The following COL4A1 variants were observed in gnomAD, a reference collection of about 807,000 sequenced individuals.
COL4A1 encodes collagen type IV alpha 1 chain, also known as collagen alpha-1(IV) chain.
In COL4A1, 40 loss-of-function variants were observed where a neutral mutation model predicts 216.6. The observed-to-expected ratio is 0.18, with a 90% CI of 0.14 to 0.24. The LOEUF is 0.24. Ranked by LOEUF, COL4A1 falls within the 10% of genes least tolerant of loss-of-function variation. COL4A1 has a pLI of 1.00. For synonymous variants in COL4A1, 839 were observed against 810.7 expected, an observed-to-expected ratio of 1.03 and a Z score of -0.59; for missense variants, 1,628 against 2,196.8, an observed-to-expected ratio of 0.74 and a Z score of 5.18.
At chr13:110,299,469 GAGT>G (rs1355224378) in intron 1 of COL4A1, among the ~76,000 whole-genome samples, 2 of 152,232 alleles carry the variant, frequency 1.3e-5, no homozygotes, top group East Asian at 3.8e-4. Flanking sequence ...TAATTTAACA[GAGT>G]AGTGCCTGGC....
chr13:110,269,431 T>C (rs986990558), intron 1 of COL4A1, among the ~76,000 whole-genome samples: 2 of 152,202 alleles, frequency 1.3e-5, no homozygotes, highest in African/African-American at 4.8e-5. Context: ...CACAGGCATG[T>C]AGAAAAGAAA....
chr13:110,306,378 C>T (rs755180762), intron 1 of COL4A1, among the ~76,000 whole-genome samples: 2 of 152,196 alleles, frequency 1.3e-5, no homozygotes, highest in East Asian at 1.9e-4. Flanking sequence ...TGCCTTGGAG[C>T]GCGCCTTAGG....
At chr13:110,258,106 A>G (rs953900385) in intron 1 of COL4A1, among the ~76,000 whole-genome samples, 3 of 152,262 alleles carry the variant, frequency 2.0e-5, no homozygotes, top group Admixed American at 2.0e-4. Context: ...AAATAGAAAT[A>G]TGGTTCCTAA....
chr13:110,212,875 T>C (rs1443823748), intron 4 of COL4A1, among the ~76,000 whole-genome samples: 1 of 152,100 alleles, frequency 6.6e-6, no homozygotes, highest in Non-Finnish European at 1.5e-5. Flanking sequence ...CCTAAGTACC[T>C]ACCAACCAAC....
At chr13:110,229,457 A>C (rs1009292224) in intron 2 of COL4A1, among the ~76,000 whole-genome samples, 7 of 152,178 alleles carry the variant, frequency 4.6e-5, no homozygotes, top group Admixed American at 4.6e-4. Context: ...ACAGTTACTT[A>C]AACACAGCTG....
intron 1 of COL4A1, among the ~76,000 whole-genome samples, chr13:110,282,347 G>A (rs1883664758): frequency 6.6e-6 from 1 of 152,188 alleles, no homozygotes; most frequent in Non-Finnish European, 1.5e-5. Flanking sequence ...CACATCAAGG[G>A]AAGCTGGTGG....
chr13:110,253,255 AAT>A (rs1882275624), intron 1 of COL4A1, among the ~76,000 whole-genome samples: 1 of 139,260 alleles, frequency 7.2e-6, no homozygotes, highest in African/African-American at 2.6e-5. Context: ...ATATACATAT[AAT>A]TAGGTATATA....
chr13:110,304,274 T>C (rs1451357342), intron 1 of COL4A1, among the ~76,000 whole-genome samples: 1 of 152,168 alleles, frequency 6.6e-6, no homozygotes, highest in African/African-American at 2.4e-5. Context: ...ACATTTCCAG[T>C]AGAACATGGT....
intron 23 of COL4A1, 44 bp downstream of exon 23, chr13:110,192,786 C>G (rs1295721142): frequency 1.3e-5 from 21 of 1,571,414 alleles, no homozygotes; most frequent in Non-Finnish European, 1.8e-5. Context: ...TGCCAACACA[C>G]CAAAGCAAAC....
chr13:110,161,125 A>G, intron 49 of COL4A1, 67 bp downstream of exon 49: 1 of 1,512,818 alleles, frequency 6.6e-7, no homozygotes, highest in Non-Finnish European at 9.2e-7. Flanking sequence ...TAGAAAACAT[A>G]TGCTTGTCCA....
intron 1 of COL4A1, among the ~76,000 whole-genome samples, chr13:110,248,523 G>A (rs1022213058): frequency 1.3e-5 from 2 of 151,878 alleles, no homozygotes; most frequent in Non-Finnish European, 2.9e-5. Context: ...CTGGGGTCTC[G>A]CTCTGTGGCG....
At chr13:110,215,387 C>A (rs1366531066) in intron 2 of COL4A1, among the ~76,000 whole-genome samples, 1 of 152,110 alleles carries the variant, frequency 6.6e-6, no homozygotes, top group Non-Finnish European at 1.5e-5. Context: ...TGGCAAAACT[C>A]TTTCTCTACT....
rs1290738236 is a variant in COL4A1, at chr13:110,178,993, T to A, written c.2388A>T (p.Pro796=). 1 of 1,612,140 alleles carries A rather than the reference T, an allele frequency of 6.2e-7. No homozygotes were observed. Among genetic ancestry groups the A allele is most frequent in the South Asian group, 1.1e-5 (1 of 90,560 alleles). The change falls in exon 31 of 52, where the codon CCA becomes CCT. Residue 796 remains proline, a synonymous_variant. Transcript: ENST00000375820. ...CAGGGGGGCCTATTCCTGGAACTCC[T>A]GGAGACCCCACGGAGCCTGGCAATC... ...PPGLPGSVGS[P]GVPGIGPPGA...
intron 1 of COL4A1, among the ~76,000 whole-genome samples, chr13:110,301,550 G>T (rs901119547): frequency 2.6e-5 from 4 of 152,202 alleles, no homozygotes; most frequent in Admixed American, 6.5e-5. Flanking sequence ...GCTACTGAAT[G>T]GCAGAGCAAG....
Position 110,170,682 on chromosome 13 carries a change from G to A in COL4A1, c.3607C>T (p.Pro1203Ser), listed in dbSNP as rs758060651. 1 of 1,614,200 alleles carries A rather than the reference G, an allele frequency of 6.2e-7. No homozygotes were observed. Among genetic ancestry groups the A allele is most frequent in the Non-Finnish European group, 8.5e-7 (1 of 1,180,040 alleles). The change falls in exon 42 of 52, where the codon CCT becomes TCT. Residue 1203 changes from proline to serine, a missense_variant. By Grantham distance (74) the Pro-to-Ser change is moderately conservative. Around this residue, in one of 8 missense-constraint regions of COL4A1, gnomAD observed 345 missense variants for 476.9 expected, o/e 0.72. Transcript: ENST00000375820. ...FPGLAGSPGI[P>S]GSKGEQGFMG... Reference sequence around the variant, plus strand: ...AATCCTTGCTCTCCTTTGGATCCAGGAATTCCTGGGCTCCCGGCTAATCCT... The same window carrying A: ...AATCCTTGCTCTCCTTTGGATCCAGAAATTCCTGGGCTCCCGGCTAATCCT...
intron 1 of COL4A1, among the ~76,000 whole-genome samples, chr13:110,296,912 T>C (rs1036703026): frequency 1.3e-5 from 2 of 152,178 alleles, no homozygotes; most frequent in African/African-American, 4.8e-5. Context: ...TACAGATGAA[T>C]ACCCAGAACA....
chr13:110,230,458 A>G (rs974542205), intron 2 of COL4A1, among the ~76,000 whole-genome samples: 11 of 152,040 alleles, frequency 7.2e-5, no homozygotes, highest in African/African-American at 2.7e-4. Context: ...GAACAGAGAG[A>G]AAGGAAAAGT....
intron 42 of COL4A1, among the ~76,000 whole-genome samples, chr13:110,170,050 A>AGG (rs1306717939): frequency 8.2e-6 from 1 of 121,584 alleles, no homozygotes; most frequent in Non-Finnish European, 1.7e-5. Flanking sequence ...GGAAGGAGGG[A>AGG]GGAAGGAGGG....
chr13:110,227,822 T>G (rs540236326), intron 2 of COL4A1, among the ~76,000 whole-genome samples: 3 of 152,346 alleles, frequency 2.0e-5, no homozygotes, highest in African/African-American at 7.2e-5. Flanking sequence ...ATAAATATCC[T>G]GCCGTGGGTT....
Sources: allele counts gnomAD v4.1 joint callset (sites outside exome capture counted in the v4.1 genomes callset), GRCh38; gene constraint gnomAD v4.1.1; regional missense constraint gnomAD v4.1.1; transcripts MANE v1.5; gene names NCBI Gene and HGNC (gene_info 2026-07-23, HGNC 2026-07-21).